EIF3H: variants seen among roughly 807,000 people sequenced by gnomAD.
EIF3H encodes eIF-3-gamma.
A neutral mutation model predicts 44.2 loss-of-function variants in EIF3H; 26 were observed. That is an observed-to-expected ratio of 0.59 (90% CI 0.43 to 0.82). The LOEUF is 0.82. Ranked by LOEUF, EIF3H falls within the 40% of genes least tolerant of loss-of-function variation. The pLI, the probability that EIF3H is intolerant of heterozygous loss-of-function variation, is 0.00. For synonymous variants in EIF3H, 166 were observed against 151.9 expected, an observed-to-expected ratio of 1.09 and a Z score of -0.68; for missense variants, 359 against 432.8, an observed-to-expected ratio of 0.83 and a Z score of 1.51.
intron 2 of EIF3H, among the ~76,000 whole-genome samples, chr8:116,710,869 T>C (rs1214251137): frequency 6.6e-6 from 1 of 152,176 alleles, no homozygotes; most frequent in Non-Finnish European, 1.5e-5. Context: ...TTTGTAAACA[T>C]GAAAAGTAAG....
chr8:116,653,371 A>ACACACACACACACACACACACACACAC (rs59686939), intron 5 of EIF3H, among the ~76,000 whole-genome samples: 9 of 151,708 alleles, frequency 5.9e-5, no homozygotes, highest in Admixed American at 2.0e-4. Flanking sequence ...ACACACACAC[A>ACACACACACACACACACACACACACAC]ATCTGTGTAC....
intron 1 of EIF3H, among the ~76,000 whole-genome samples, chr8:116,742,946 C>T (rs902597581): frequency 1.3e-5 from 2 of 152,182 alleles, no homozygotes; most frequent in African/African-American, 2.4e-5. Flanking sequence ...AAGCGCACCA[C>T]AGTAAGTCCA....
intron 4 of EIF3H, 60 bp downstream of exon 4, chr8:116,657,155 C>T: frequency 7.0e-7 from 1 of 1,422,044 alleles, no homozygotes; most frequent in East Asian, 2.3e-5. Flanking sequence ...AGAGATGTGG[C>T]AAAGAAAAAT....
intron 2 of EIF3H, among the ~76,000 whole-genome samples, chr8:116,709,709 CA>C (rs1419778059): frequency 6.6e-6 from 1 of 152,124 alleles, no homozygotes; most frequent in East Asian, 1.9e-4. Flanking sequence ...CTTGCTTTTA[CA>C]CATAATTTGT....
chr8:116,759,162 T>G (rs1815489316), upstream of EIF3H, among the ~76,000 whole-genome samples: 1 of 152,266 alleles, frequency 6.6e-6, no homozygotes, highest in African/African-American at 2.4e-5. Flanking sequence ...AAATTTATCT[T>G]GTATTCGCAA....
chr8:116,712,045 A>G (rs1297947238), intron 2 of EIF3H, among the ~76,000 whole-genome samples: 1 of 152,276 alleles, frequency 6.6e-6, no homozygotes, highest in Non-Finnish European at 1.5e-5. Context: ...AAGTGAGAGC[A>G]GATGAGCTTG....
chr8:116,747,405 G>C (rs536676463), intron 1 of EIF3H, among the ~76,000 whole-genome samples: 1 of 152,288 alleles, frequency 6.6e-6, no homozygotes, highest in African/African-American at 2.4e-5. Context: ...AACATGGTTA[G>C]ATTGTGTTCC....
intron 2 of EIF3H, among the ~76,000 whole-genome samples, chr8:116,715,156 T>C (rs1362785644): frequency 2.0e-5 from 3 of 152,120 alleles, no homozygotes; most frequent in African/African-American, 7.2e-5. Flanking sequence ...CATCAATATT[T>C]TAATTACAGT....
chr8:116,755,792 C>T lies in EIF3H; in HGVS notation c.6G>A (p.Ala2=). The stretch of plus-strand genomic sequence containing the variant: ...TAGAGCCGGTACCTTCCTTGCGGGA[C>T]GCCATCTTTCCAAGCAGACAGGAAG... M[A]SRKEGTGSTA... is the part of the protein sequence containing the mutation. The change falls in exon 1 of 8, where the codon GCG becomes GCA. Residue 2 remains alanine, a synonymous_variant. Transcript: ENST00000521861. 1 of 1,613,510 alleles carries T rather than the reference C, an allele frequency of 6.2e-7. No individual in the cohort carries two copies. Among genetic ancestry groups the T allele is most frequent in the East Asian group, 2.2e-5 (1 of 44,868 alleles).
At chr8:116,697,971 G>T (rs1332479576) in intron 2 of EIF3H, among the ~76,000 whole-genome samples, 2 of 152,174 alleles carry the variant, frequency 1.3e-5, no homozygotes, top group East Asian at 3.8e-4. Flanking sequence ...TTACTAAAAG[G>T]CAGGCACTGC....
intron 2 of EIF3H, among the ~76,000 whole-genome samples, chr8:116,679,029 G>A (rs1247529358): frequency 0.011 from 761 of 66,884 alleles, 21 homozygotes; most frequent in African/African-American, 0.029. Context: ...CGCCCAGTCC[G>A]GGAGGTGAGG....
chr8:116,750,048 G>C (rs1356699624), intron 1 of EIF3H, among the ~76,000 whole-genome samples: 1 of 152,292 alleles, frequency 6.6e-6, no homozygotes, highest in African/African-American at 2.4e-5. Context: ...ATATATGACT[G>C]AGAATGGTCA....
intron 5 of EIF3H, among the ~76,000 whole-genome samples, chr8:116,652,939 T>C (rs1813420994): frequency 6.6e-6 from 1 of 152,172 alleles, no homozygotes; most frequent in Non-Finnish European, 1.5e-5. Context: ...CTATACTAAG[T>C]ATAGGAAATG....
At position 116,659,065 on chromosome 8, in the gene EIF3H, T is replaced by C. The variant is rs955883327; in HGVS notation, c.290-85A>G. The C allele has an allele frequency of 2.6e-6, 3 of 1,162,598 alleles. No homozygotes were observed. In the African/African-American group the frequency reaches 4.8e-5, roughly 18 times the overall value. The allele number at this position is 1,162,598 out of a possible 1,614,324, so 72.0% of individuals were successfully genotyped here. On this transcript the variant is annotated intron_variant, in intron 2 of 7. Coordinates refer to ENST00000521861, the MANE Select transcript of EIF3H (RefSeq NM_003756.3). ...AAAAACAAGCCGTTTTGGAAACAAA[T>C]GTCTACATAACAATTTATTAGCAAT... is the stretch of plus-strand genomic sequence containing the variant.
intron 1 of EIF3H, among the ~76,000 whole-genome samples, chr8:116,732,661 ATTCAT>A (rs1814970906): frequency 4.8e-4 from 2 of 4,162 alleles, no homozygotes. Context: ...TCCCTCATTC[ATTCAT>A]TCATTCATTC....
chr8:116,707,349 T>C (rs1814488333), intron 2 of EIF3H, among the ~76,000 whole-genome samples: 1 of 152,174 alleles, frequency 6.6e-6, no homozygotes, highest in Admixed American at 6.5e-5. Context: ...CATATTTTAG[T>C]GAAGTTGATA....
At chr8:116,679,479 C>G (rs1335193234) in intron 2 of EIF3H, among the ~76,000 whole-genome samples, 1,126 of 21,254 alleles carry the variant, frequency 0.053, 3 homozygotes, top group Admixed American at 0.097. Context: ...CCGGCCGCCC[C>G]TACTGGGAAG....
upstream of EIF3H, chr8:116,756,019 T>C (rs1209906712): frequency 1.3e-6 from 2 of 1,535,750 alleles, no homozygotes; most frequent in Non-Finnish European, 1.7e-6. Context: ...GATGGAATGA[T>C]CTAAGATGAA....
chr8:116,670,649 C>G (rs751491088), intron 2 of EIF3H, among the ~76,000 whole-genome samples: 8 of 152,100 alleles, frequency 5.3e-5, no homozygotes, highest in Non-Finnish European at 8.8e-5. Flanking sequence ...GAGAAGAATA[C>G]GTGTTTATAA....
Sources: allele counts gnomAD v4.1 joint callset (sites outside exome capture counted in the v4.1 genomes callset), GRCh38; gene constraint gnomAD v4.1.1; transcripts MANE v1.5; gene names NCBI Gene and HGNC (gene_info 2026-07-23, HGNC 2026-07-21).